Variants in MEGF6 observed in about 807,000 individuals in gnomAD.
MEGF6 encodes the protein multiple epidermal growth factor-like domains protein 6.
In MEGF6, 184 loss-of-function variants were observed where a neutral mutation model predicts 207.1. The observed-to-expected ratio is 0.89, with a 90% confidence interval of 0.79 to 1.00. MEGF6 has a LOEUF of 1.00. Among genes scored for constraint, MEGF6 ranks in the 50% least tolerant of loss-of-function variants. The pLI is 0.00. For synonymous variants in MEGF6, 1,038 were observed against 910.0 expected (o/e 1.14, Z -2.53); for missense variants, 2,282 against 2,202.9 (o/e 1.04, Z -0.72).
chr1:3,608,228 G>T (rs780854693), intron 1 of MEGF6, among the ~76,000 whole-genome samples: 1 of 152,150 alleles, frequency 6.6e-6, no homozygotes, highest in African/African-American at 2.4e-5. Context: ...CCTGCCCTGG[G>T]GCCCCTCGGA....
intron 4 of MEGF6, among the ~76,000 whole-genome samples, chr1:3,542,890 C>A (rs1433315786): frequency 6.6e-6 from 1 of 152,216 alleles, no homozygotes; most frequent in Non-Finnish European, 1.5e-5. Flanking sequence ...GCCAGGCAGC[C>A]CGGGCAGGAG....
chr1:3,586,328 C>T (rs1304662076), intron 3 of MEGF6, among the ~76,000 whole-genome samples: 1 of 152,230 alleles, frequency 6.6e-6, no homozygotes, highest in Admixed American at 6.5e-5. Flanking sequence ...CTTGTGCACG[C>T]TCGAGTGAGC....
intron 4 of MEGF6, among the ~76,000 whole-genome samples, chr1:3,537,879 T>A (rs1642382731): frequency 6.6e-6 from 1 of 151,430 alleles, no homozygotes; most frequent in South Asian, 2.1e-4. Flanking sequence ...AGGGAGAGGG[T>A]GGAGATGGGT....
At chr1:3,493,359 C>T (rs1375916858) in intron 34 of MEGF6, 6 of 248,514 alleles carry the variant, frequency 2.4e-5, no homozygotes, top group Non-Finnish European at 3.1e-5. Context: ...GTGAGCCCCT[C>T]CTATCCTCAG....
intron 4 of MEGF6, among the ~76,000 whole-genome samples, chr1:3,530,036 C>T (rs1046863224): frequency 9.9e-5 from 15 of 152,238 alleles, no homozygotes; most frequent in Non-Finnish European, 2.1e-4. Flanking sequence ...TAGACCAGGA[C>T]AGGGGCTCCC....
intron 21 of MEGF6, among the ~76,000 whole-genome samples, chr1:3,500,295 G>C (rs951088377): frequency 6.6e-6 from 1 of 152,258 alleles, no homozygotes; most frequent in Non-Finnish European, 1.5e-5. Flanking sequence ...CCCACAGTGG[G>C]GGACAGACCC....
Position 3,509,132 on chromosome 1 carries a change from C to T in MEGF6, c.1471G>A (p.Gly491Arg), listed in dbSNP as rs778653330. 159 of 1,600,242 alleles carry T rather than the reference C, an allele frequency of 9.9e-5. No individual in the cohort carries two copies. The Admixed American group carries it at 2.2e-3, about 23-fold the overall frequency. ...AACTCTGCCTCTTCCTCATCGGCCCCGACGTCGTCATCCTGGAAGAGTTGC... is the reference window on the plus strand; with the variant it reads ...AACTCTGCCTCTTCCTCATCGGCCCTGACGTCGTCATCCTGGAAGAGTTGC... ...LPQLFQDDDV[G>R]ADEEEAELRG... Residue 491 changes from glycine to arginine, a missense_variant, in exon 12 of 37, where the codon GGG (glycine) becomes AGG (arginine). By Grantham distance (125) the Gly-to-Arg change is moderately radical (BLOSUM62 -2). Transcript: ENST00000356575.
At chr1:3,601,837 C>T (rs1048133303) in intron 2 of MEGF6, among the ~76,000 whole-genome samples, 13 of 152,264 alleles carry the variant, frequency 8.5e-5, no homozygotes, top group African/African-American at 3.1e-4. Flanking sequence ...GGGAGCAGCG[C>T]AGAGCAGGGC....
At chr1:3,505,398 C>CCCCA (rs762755724) in intron 16 of MEGF6, 24 bp downstream of exon 16, 5 of 1,578,916 alleles carry the variant, frequency 3.2e-6, no homozygotes, top group Non-Finnish European at 3.4e-6. Flanking sequence ...GCCCCCCGCC[C>CCCCA]CCAGACCCCA....
intron 4 of MEGF6, among the ~76,000 whole-genome samples, chr1:3,524,871 G>A (rs905331445): frequency 6.6e-6 from 1 of 152,174 alleles, no homozygotes; most frequent in South Asian, 2.1e-4. Flanking sequence ...GAGACACACA[G>A]AGAGGGCCAT....
At chr1:3,596,770 G>A (rs1018522521) in intron 2 of MEGF6, among the ~76,000 whole-genome samples, 21 of 150,502 alleles carry the variant, frequency 1.4e-4, no homozygotes, top group Non-Finnish European at 2.4e-4. Flanking sequence ...CCCCACGCAT[G>A]GGAAGTCTTG....
At chr1:3,616,144 CGG>C, upstream of MEGF6, among the ~76,000 whole-genome samples, 7 of 152,132 alleles carry the variant, frequency 4.6e-5, no homozygotes, top group Non-Finnish European at 1.0e-4. Flanking sequence ...TCCCCATGTC[CGG>C]TCCGCGGGCT....
chr1:3,495,883 C>T lies in MEGF6; in HGVS notation c.3871+7G>A. 6.3e-7 allele frequency: 1 copy of T among 1,598,192 alleles called. No homozygotes were observed. The highest frequency in any genetic ancestry group is 8.5e-7 in the Non-Finnish European group (1 of 1,179,236). ...CTGTGAGCATGCCCTCTGGAGTGAA[C>T]ACTCACCTCGCTCACAGCGGACGCC... On this transcript the variant is annotated splice_region_variant and intron_variant, in intron 30 of 36. Transcript: ENST00000356575.
rs1197997068 is a variant in MEGF6 at position 3,496,933 on chromosome 1, C to T, written c.3613+55G>A. On this transcript the variant is annotated intron_variant, in intron 28 of 36. Coordinates refer to ENST00000356575, the MANE Select transcript of MEGF6 (RefSeq NM_001409.4). ...TTCCCGGGGACCAGGGGAACTGGGG[C>T]CCAGCACGCCAGGCAGCACTGCCGA... is the stretch of plus-strand genomic sequence containing the variant. The T allele has an allele frequency of 7.2e-6, 11 of 1,533,834 alleles. No homozygotes were observed. In the East Asian group the frequency reaches 2.5e-4, roughly 34 times the overall value.
rs1319609525 is a variant in MEGF6, at chr1:3,489,606, G to A, written c.*922C>T. 6.6e-6 allele frequency among the ~76,000 whole-genome samples: 1 copy of A among 152,186 alleles called. No individual in the cohort carries two copies. The highest frequency in any genetic ancestry group is 1.5e-5 in the Non-Finnish European group (1 of 68,032). ...CCCCCACTGCTGATGCTCAGGTAGG[G>A]GTGGGTGGGGTGAGCCCAAGGGAGT... On this transcript the variant is annotated 3_prime_UTR_variant, in exon 37 of 37. Coordinates refer to ENST00000356575, the MANE Select transcript of MEGF6 (RefSeq NM_001409.4).
intron 4 of MEGF6, chr1:3,531,133 G>A (rs1178243545): frequency 2.0e-6 from 3 of 1,530,158 alleles, no homozygotes; most frequent in South Asian, 1.2e-5. Flanking sequence ...CAGGTGACAT[G>A]GGTAGCAGCC....
Position 3,496,753 on chromosome 1 carries a change from C to T in MEGF6, c.3644G>A (p.Cys1215Tyr). The T allele has an allele frequency of 2.6e-6, 4 of 1,559,870 alleles. No individual in the cohort carries two copies. The highest frequency in any genetic ancestry group is 3.5e-6 in the Non-Finnish European group (4 of 1,152,316). Reference sequence around the variant, plus strand: ...GTTGAGACACCCACACAGCTGTTCACAGCCTGGCCCATACCGCCCGGGCGG... The same window carrying T: ...GTTGAGACACCCACACAGCTGTTCATAGCCTGGCCCATACCGCCCGGGCGG... ...RCPPGRYGPG[C>Y]EQLCGCLNGG... The change falls in exon 29 of 37, where the codon TGT (cysteine) becomes TAT (tyrosine). Residue 1215 changes from cysteine (C) to tyrosine (Y), a missense_variant. Physicochemically the swap from Cys to Tyr is radical, Grantham distance 194. Coordinates refer to ENST00000356575, the MANE Select transcript of MEGF6 (RefSeq NM_001409.4).
intron 26 of MEGF6, among the ~76,000 whole-genome samples, chr1:3,498,057 G>A (rs527964241): frequency 6.6e-6 from 1 of 152,262 alleles, no homozygotes; most frequent in East Asian, 1.9e-4. Flanking sequence ...GGGGTGAAGG[G>A]GCCCCTCTCT....
chr1:3,514,460 A>ACGGC (rs1641464206), intron 7 of MEGF6, 90 bp downstream of exon 7: 14 of 1,445,566 alleles, frequency 9.7e-6, no homozygotes, highest in Non-Finnish European at 1.3e-5. Context: ...ATGGGAGGCC[A>ACGGC]CGGCCCCAGA....
Sources: allele counts gnomAD v4.1 joint callset (sites outside exome capture counted in the v4.1 genomes callset), GRCh38; gene constraint gnomAD v4.1.1; transcripts MANE v1.5; gene names NCBI Gene and HGNC (gene_info 2026-07-23, HGNC 2026-07-21).